The following FRMD5 variants were observed in gnomAD, a reference collection of about 807,000 sequenced individuals.
FRMD5 encodes FERM domain-containing protein 5.
Under a neutral mutation model 69.0 loss-of-function variants are expected in FRMD5, and 20 were observed. The observed-to-expected ratio is 0.29, with a 90% CI of 0.20 to 0.42. The LOEUF (loss-of-function observed/expected upper bound fraction) is 0.42, where lower values mean the gene tolerates loss of function less well. Among genes scored for constraint, FRMD5 ranks in the 10% least tolerant of loss-of-function variants. The pLI is 1.00. For missense variants in FRMD5, 595 were observed against 708.6 expected (o/e 0.84, Z 1.82); for synonymous variants, 271 against 260.1 (o/e 1.04, Z -0.40).
chr15:44,141,840 T>C (rs2077278296), intron 1 of FRMD5, among the ~76,000 whole-genome samples: 1 of 152,154 alleles, frequency 6.6e-6, no homozygotes, highest in African/African-American at 2.4e-5. Context: ...ATTGGAATGA[T>C]GAACATTGCA....
At chr15:43,957,029 C>T (rs2090126189) in intron 1 of FRMD5, among the ~76,000 whole-genome samples, 2 of 152,262 alleles carry the variant, frequency 1.3e-5, no homozygotes, top group South Asian at 4.1e-4. Context: ...GTATCTTCCC[C>T]TATCATCCCT....
intron 1 of FRMD5, among the ~76,000 whole-genome samples, chr15:43,945,350 A>G: frequency 6.6e-6 from 1 of 151,964 alleles, no homozygotes; most frequent in East Asian, 1.9e-4. Flanking sequence ...TAAAAATGTC[A>G]TTTTTTTTAA....
chr15:44,077,322 G>C (rs1893811707), intron 1 of FRMD5, among the ~76,000 whole-genome samples: 1 of 152,016 alleles, frequency 6.6e-6, no homozygotes, highest in African/African-American at 2.4e-5. Context: ...AATATTACTA[G>C]AGTAGCTTGA....
At chr15:44,055,920 T>G (rs949124225) in intron 1 of FRMD5, among the ~76,000 whole-genome samples, 1 of 152,230 alleles carries the variant, frequency 6.6e-6, no homozygotes, top group African/African-American at 2.4e-5. Context: ...TTTCTTTGCG[T>G]GATCTTCTTC....
intron 1 of FRMD5, among the ~76,000 whole-genome samples, chr15:44,010,278 G>T (rs1256363507): frequency 6.6e-6 from 1 of 152,154 alleles, no homozygotes. Flanking sequence ...AACCCAAGTG[G>T]TTATGGAATA....
chr15:43,917,993 T>C (rs2140436438), intron 4 of FRMD5, among the ~76,000 whole-genome samples: 1 of 152,328 alleles, frequency 6.6e-6, no homozygotes, highest in African/African-American at 2.4e-5. Flanking sequence ...GAAGCCACTT[T>C]TCTCCCCTGT....
At chr15:43,885,631 A>G (rs1014273066) in intron 11 of FRMD5, 50 bp downstream of exon 11, 3 of 1,488,520 alleles carry the variant, frequency 2.0e-6, no homozygotes, top group Non-Finnish European at 2.8e-6. Flanking sequence ...AGTTCTCCAG[A>G]GAAGGGTCTG....
intron 1 of FRMD5, among the ~76,000 whole-genome samples, chr15:44,067,869 A>G (rs1377461468): frequency 1.3e-5 from 2 of 152,218 alleles, no homozygotes; most frequent in Admixed American, 6.5e-5. Context: ...TATACAAAGA[A>G]CTCTTAAAAC....
At chr15:43,954,669 T>C (rs1050143656) in intron 1 of FRMD5, among the ~76,000 whole-genome samples, 3 of 152,246 alleles carry the variant, frequency 2.0e-5, no homozygotes, top group African/African-American at 7.2e-5. Flanking sequence ...CTACAGAGCT[T>C]GGCGCTTGCC....
intron 10 of FRMD5, among the ~76,000 whole-genome samples, chr15:43,886,115 G>C (rs771859645): frequency 6.6e-5 from 10 of 152,312 alleles, no homozygotes; most frequent in Admixed American, 1.3e-4. Context: ...CTTATTAGCA[G>C]TGTGACCTCG....
intron 1 of FRMD5, among the ~76,000 whole-genome samples, chr15:44,000,579 C>T (rs980696299): frequency 2.0e-5 from 3 of 152,024 alleles, no homozygotes; most frequent in East Asian, 3.9e-4. Context: ...CATGCTTCAG[C>T]CTCCAGAGTA....
At chr15:43,954,754 A>G (rs947060646) in intron 1 of FRMD5, among the ~76,000 whole-genome samples, 2 of 152,220 alleles carry the variant, frequency 1.3e-5, no homozygotes, top group Non-Finnish European at 2.9e-5. Context: ...ATGCCCTTTA[A>G]TAAGACTGTC....
At chr15:43,939,392 A>C (rs963845422) in intron 1 of FRMD5, among the ~76,000 whole-genome samples, 1 of 152,126 alleles carries the variant, frequency 6.6e-6, no homozygotes, top group African/African-American at 2.4e-5. Flanking sequence ...CTTCAGCATG[A>C]CATGCATGTG....
intron 1 of FRMD5, among the ~76,000 whole-genome samples, chr15:43,994,492 C>T (rs756671808): frequency 9.2e-5 from 14 of 152,210 alleles, no homozygotes; most frequent in African/African-American, 3.4e-4. Context: ...TGTTGCCCAG[C>T]CTGGAGTTCA....
intron 1 of FRMD5, among the ~76,000 whole-genome samples, chr15:44,052,325 G>A (rs1380585735): frequency 6.6e-6 from 1 of 151,990 alleles, no homozygotes; most frequent in South Asian, 2.1e-4. Context: ...TTTAACATAC[G>A]CAACCATTGT....
At chr15:44,063,306 T>G (rs1406601795) in intron 1 of FRMD5, among the ~76,000 whole-genome samples, 1 of 152,244 alleles carries the variant, frequency 6.6e-6, no homozygotes, top group African/African-American at 2.4e-5. Flanking sequence ...TGGTTGTTTA[T>G]GTCTCTCAAG....
chr15:43,873,741 C>A lies in FRMD5; in HGVS notation c.*144G>T. 6.6e-7 allele frequency: 1 copy of A among 1,520,596 alleles called. No individual in the cohort carries two copies. Among genetic ancestry groups the A allele is most frequent in the Non-Finnish European group, 8.8e-7 (1 of 1,142,156 alleles). The allele number at this position is 1,520,596 out of a possible 1,614,324, so 94.2% of individuals were successfully genotyped here. ...TATCCCTTTCTTCTTCTGGGAAACACCCTCCTAGGCTGCAGTGGACTTTGA... is the reference window on the plus strand; with the variant it reads ...TATCCCTTTCTTCTTCTGGGAAACAACCTCCTAGGCTGCAGTGGACTTTGA... On this transcript the variant is annotated 3_prime_UTR_variant, in exon 14 of 14. Coordinates refer to ENST00000417257, the MANE Select transcript of FRMD5 (RefSeq NM_032892.5).
intron 1 of FRMD5, among the ~76,000 whole-genome samples, chr15:44,158,570 T>C (rs1340124737): frequency 6.6e-6 from 1 of 152,198 alleles, no homozygotes; most frequent in Non-Finnish European, 1.5e-5. Context: ...TACTGTATAC[T>C]CATGACCCAA....
At chr15:44,058,075 A>C (rs534376910) in intron 1 of FRMD5, among the ~76,000 whole-genome samples, 4 of 152,346 alleles carry the variant, frequency 2.6e-5, no homozygotes, top group Admixed American at 2.6e-4. Context: ...TTGACGTGTA[A>C]CAGTATATTC....
Sources: allele counts gnomAD v4.1 joint callset (sites outside exome capture counted in the v4.1 genomes callset), GRCh38; gene constraint gnomAD v4.1.1; transcripts MANE v1.5; gene names NCBI Gene and HGNC (gene_info 2026-07-23, HGNC 2026-07-21).